The following NTNG1 variants were observed in gnomAD, a reference collection of about 807,000 sequenced individuals.
NTNG1 encodes netrin-G1.
Under a neutral mutation model 54.0 loss-of-function variants are expected in NTNG1, and 16 were observed. That is an observed-to-expected ratio of 0.30 (90% CI 0.20 to 0.45). The LOEUF is 0.45. Ranked by LOEUF, NTNG1 falls within the 20% of genes least tolerant of loss-of-function variation. NTNG1 has a pLI of 1.00. For synonymous variants in NTNG1, 255 were observed against 263.1 expected, an observed-to-expected ratio of 0.97 and a Z score of 0.30; for missense variants, 530 against 678.7, an observed-to-expected ratio of 0.78 and a Z score of 2.43.
chr1:107,249,335 A>T (rs1662428895), intron 2 of NTNG1, among the ~76,000 whole-genome samples: 1 of 151,730 alleles, frequency 6.6e-6, no homozygotes, highest in South Asian at 2.1e-4. Context: ...ATGCAAAATT[A>T]GCTGGGCGTA....
intron 7 of NTNG1, among the ~76,000 whole-genome samples, chr1:107,438,132 A>C (rs1325295579): frequency 6.6e-6 from 1 of 152,144 alleles, no homozygotes; most frequent in African/African-American, 2.4e-5. Flanking sequence ...CTTATGGAAT[A>C]CATAGTTATC....
intron 7 of NTNG1, among the ~76,000 whole-genome samples, chr1:107,475,007 T>A (rs1678221329): frequency 6.6e-6 from 1 of 152,196 alleles, no homozygotes; most frequent in Non-Finnish European, 1.5e-5. Context: ...ACATTGGCAT[T>A]TCTGGTTTAT....
chr1:107,285,438 T>C (rs1665132270), intron 2 of NTNG1, among the ~76,000 whole-genome samples: 2 of 152,136 alleles, frequency 1.3e-5, no homozygotes, highest in Non-Finnish European at 2.9e-5. Flanking sequence ...ACATTAACTT[T>C]TTCCCTTTCA....
intron 3 of NTNG1, among the ~76,000 whole-genome samples, chr1:107,361,385 A>ATTT (rs1443924165): frequency 4.1e-5 from 3 of 72,586 alleles, no homozygotes; most frequent in African/African-American, 1.3e-4. Context: ...ATATATATAT[A>ATTT]TATATATTTT....
At chr1:107,426,192 A>C (rs1674897890) in intron 5 of NTNG1, among the ~76,000 whole-genome samples, 1 of 151,824 alleles carries the variant, frequency 6.6e-6, no homozygotes, top group African/African-American at 2.4e-5. Context: ...CCATTTTATT[A>C]TTTTTGTTTT....
chr1:107,386,110 CAT>C (rs890462475), intron 3 of NTNG1, among the ~76,000 whole-genome samples: 2 of 143,674 alleles, frequency 1.4e-5, no homozygotes, highest in African/African-American at 5.1e-5. Flanking sequence ...TATATATACA[CAT>C]ATATATACTT....
At chr1:107,253,166 A>G (rs1662717827) in intron 2 of NTNG1, among the ~76,000 whole-genome samples, 1 of 152,250 alleles carries the variant, frequency 6.6e-6, no homozygotes, top group Admixed American at 6.5e-5. Context: ...GGGTTAAAAC[A>G]GTCTTGAGAA....
intron 3 of NTNG1, among the ~76,000 whole-genome samples, chr1:107,361,197 T>C (rs1172472881): frequency 1.4e-5 from 2 of 144,280 alleles, no homozygotes; most frequent in East Asian, 2.0e-4. Context: ...TATAATTATG[T>C]ATAAAATAAA....
chr1:107,484,734 C>T lies in NTNG1; in HGVS notation c.*3894C>T, dbSNP rs76051546. ...GGGAACAACTGTGAGGAAATCTTGA[C>T]ATCGAATATTTTGTTCCATCTCCTT... On this transcript the variant is annotated 3_prime_UTR_variant, in exon 8 of 8. Coordinates refer to ENST00000370068, the MANE Select transcript of NTNG1 (RefSeq NM_001113226.3). Among the ~76,000 whole-genome samples the T allele has an allele frequency of 2.2e-3, 330 of 152,324 alleles. No individual in the cohort carries two copies. The highest frequency in any genetic ancestry group is 7.4e-3 in the African/African-American group (308 of 41,564).
chr1:107,277,182 G>T (rs1248750673), intron 2 of NTNG1, among the ~76,000 whole-genome samples: 1 of 152,206 alleles, frequency 6.6e-6, no homozygotes, highest in Non-Finnish European at 1.5e-5. Context: ...GGAAGTGGCT[G>T]CGTTAATATC....
intron 5 of NTNG1, among the ~76,000 whole-genome samples, chr1:107,426,254 GT>G (rs2101286627): frequency 6.6e-6 from 1 of 152,108 alleles, no homozygotes; most frequent in South Asian, 2.1e-4. Context: ...CTAGGCTGAT[GT>G]GCAAAAGAGT....
chr1:107,369,728 T>C (rs1380903791), intron 3 of NTNG1, among the ~76,000 whole-genome samples: 1 of 152,122 alleles, frequency 6.6e-6, no homozygotes, highest in African/African-American at 2.4e-5. Context: ...CTTAACATTG[T>C]CTTTTGAAGA....
intron 5 of NTNG1, among the ~76,000 whole-genome samples, chr1:107,418,164 C>G (rs912678042): frequency 6.6e-5 from 10 of 152,098 alleles, no homozygotes; most frequent in Admixed American, 3.3e-4. Flanking sequence ...TCATGAAAGA[C>G]GAATGCAACC....
chr1:107,480,589 T>TCCCCCCCCCCCCCCCCCCCC, intron 7 of NTNG1, 22 bp from the exon 8 acceptor site: 2 of 202,796 alleles, frequency 9.9e-6, no homozygotes, highest in South Asian at 4.5e-5. Context: ...CACCCACCCC[T>TCCCCCCCCCCCCCCCCCCCC]ACCTTCCCCC....
At chr1:107,263,268 GCTTGCTTCCTTC>G (rs1199414854) in intron 2 of NTNG1, among the ~76,000 whole-genome samples, 2 of 138,960 alleles carry the variant, frequency 1.4e-5, no homozygotes, top group Non-Finnish European at 3.1e-5. Flanking sequence ...TTCTAGGTTA[GCTTGCTTCCTTC>G]CTTCCTTCCT....
At chr1:107,262,633 C>T (rs1248574491) in intron 2 of NTNG1, among the ~76,000 whole-genome samples, 9 of 152,114 alleles carry the variant, frequency 5.9e-5, no homozygotes. Context: ...AAAGCAGTAG[C>T]TGGAAATTGA....
intron 2 of NTNG1, among the ~76,000 whole-genome samples, chr1:107,205,627 T>TAAA (rs1302942525): frequency 6.6e-6 from 1 of 151,332 alleles, no homozygotes; most frequent in East Asian, 1.9e-4. Context: ...ACTTTTTTTT[T>TAAA]AAAAAAAACT....
intron 2 of NTNG1, among the ~76,000 whole-genome samples, chr1:107,176,163 T>C (rs570884848): frequency 6.6e-6 from 1 of 152,282 alleles, no homozygotes; most frequent in East Asian, 1.9e-4. Context: ...GCCAGTAAAT[T>C]AGGTCTATAG....
chr1:107,179,662 G>A (rs563383387), intron 2 of NTNG1, among the ~76,000 whole-genome samples: 2 of 151,986 alleles, frequency 1.3e-5, no homozygotes, highest in East Asian at 3.9e-4. Flanking sequence ...GTGTCATAGG[G>A]GTTTGTTGTC....
Sources: gnomAD v4.1 joint callset for allele counts (sites outside exome capture counted in the v4.1 genomes callset) on GRCh38, gnomAD v4.1.1 for gene constraint, MANE v1.5 for transcripts, NCBI Gene and HGNC (gene_info 2026-07-23, HGNC 2026-07-21) for gene names.